Variants in CHD6 observed in about 807,000 individuals in gnomAD.
CHD6 encodes the protein chromodomain helicase DNA binding protein 6, also known as ATP-dependent chromatin remodeler CHD6.
CHD6 carries 50 observed loss-of-function variants against 276.9 expected under a neutral mutation model. That is an observed-to-expected ratio of 0.18 (90% CI 0.14 to 0.23). The LOEUF is 0.23. CHD6 is among the 10% of genes least tolerant of loss of function. The pLI is 1.00. For missense variants in CHD6, 2,564 were observed against 3,365.8 expected (o/e 0.76, Z 5.89); for synonymous variants, 1,173 against 1,229.3 (o/e 0.95, Z 0.96).
At chr20:41,548,884 A>G (rs1183702280) in intron 2 of CHD6, among the ~76,000 whole-genome samples, 1 of 152,052 alleles carries the variant, frequency 6.6e-6, no homozygotes, top group Non-Finnish European at 1.5e-5. Flanking sequence ...CAAAAAACAC[A>G]TGAAAAAATG....
At chr20:41,588,400 T>C (rs910966893) in intron 1 of CHD6, among the ~76,000 whole-genome samples, 2 of 151,874 alleles carry the variant, frequency 1.3e-5, no homozygotes, top group African/African-American at 4.8e-5. Context: ...CAATTCAGGG[T>C]TTTTCTTCTC....
chr20:41,435,877 C>T (rs2047692672), intron 27 of CHD6, among the ~76,000 whole-genome samples: 1 of 152,124 alleles, frequency 6.6e-6, no homozygotes, highest in Admixed American at 6.6e-5. Flanking sequence ...TGCTACGGCA[C>T]TCAGGATTAT....
At chr20:41,481,659 A>G (rs919328161) in intron 16 of CHD6, among the ~76,000 whole-genome samples, 1 of 152,106 alleles carries the variant, frequency 6.6e-6, no homozygotes, top group Non-Finnish European at 1.5e-5. Flanking sequence ...GAGTGTATCA[A>G]ATGTTTTTAA....
rs145226293 is a variant in CHD6 at position 41,528,778 on chromosome 20, A to C, written c.554+4272T>G. Among the ~76,000 whole-genome samples, 1,160 of 152,356 alleles carry C rather than the reference A, an allele frequency of 7.6e-3. 18 individuals are homozygous for C. Among genetic ancestry groups the C allele is most frequent in the African/African-American group, 0.026 (1,097 of 41,576 alleles). On this transcript the variant is annotated intron_variant, in intron 3 of 36. Coordinates refer to ENST00000373233, the MANE Select transcript of CHD6 (RefSeq NM_032221.5). ...CAATAAATGAATACTGATCACTATTAATATCATCCTTGAAAAGGAAAATTT... is the reference window on the plus strand; with the variant it reads ...CAATAAATGAATACTGATCACTATTCATATCATCCTTGAAAAGGAAAATTT...
chr20:41,402,458 A>G lies in CHD6; in HGVS notation c.*2135T>C, dbSNP rs899605277. The G allele has an allele frequency of 3.9e-5, 9 of 230,952 alleles. No individual in the cohort carries two copies. Among genetic ancestry groups the G allele is most frequent in the African/African-American group, 2.0e-4 (9 of 45,220 alleles). 14.3% of individuals were successfully genotyped at this position (230,952 alleles called of 1,614,324 possible). A position where few individuals can be genotyped will look rare whatever the true frequency, so the allele number is the denominator to read the frequency against. On this transcript the variant is annotated 3_prime_UTR_variant, in exon 37 of 37. Transcript: ENST00000373233. The stretch of plus-strand genomic sequence containing the variant: ...AGTCAGATCCACATTGAACCCTGTG[A>G]CCTACCGGAGGTTATAAGTGGAACC...
chr20:41,581,549 C>T (rs1027225587), intron 1 of CHD6, among the ~76,000 whole-genome samples: 10 of 151,924 alleles, frequency 6.6e-5, no homozygotes, highest in Admixed American at 6.6e-4. Context: ...GTGGTGCGTG[C>T]CTATAGTCCC....
At chr20:41,514,643 C>T (rs1475763255) in intron 4 of CHD6, among the ~76,000 whole-genome samples, 162 bp downstream of exon 4, 1 of 152,158 alleles carries the variant, frequency 6.6e-6, no homozygotes, top group African/African-American at 2.4e-5. Context: ...CGGGCTAGGG[C>T]AAAAGACTAC....
intron 1 of CHD6, among the ~76,000 whole-genome samples, chr20:41,605,558 T>A (rs1489987912): frequency 2.0e-5 from 3 of 152,348 alleles, no homozygotes; most frequent in Admixed American, 2.0e-4. Flanking sequence ...TTCCATATGT[T>A]GTTGGATACT....
chr20:41,437,171 C>A, intron 27 of CHD6, 103 bp downstream of exon 27: 1 of 814,360 alleles, frequency 1.2e-6, no homozygotes, highest in Non-Finnish European at 2.1e-6. Context: ...TGCAATGTAA[C>A]TGTAGTAATG....
intron 19 of CHD6, among the ~76,000 whole-genome samples, chr20:41,454,991 AG>A (rs373649635): frequency 1.3e-5 from 2 of 152,328 alleles, no homozygotes; most frequent in African/African-American, 4.8e-5. Flanking sequence ...GGAAGCAGGA[AG>A]GCAAACCCCG....
intron 1 of CHD6, among the ~76,000 whole-genome samples, chr20:41,562,625 G>A (rs2045313546): frequency 6.6e-6 from 1 of 152,044 alleles, no homozygotes; most frequent in South Asian, 2.1e-4. Context: ...AAGAAAGTCT[G>A]TATAGGTAAA....
intron 2 of CHD6, among the ~76,000 whole-genome samples, chr20:41,550,804 CT>C (rs1198805745): frequency 2.6e-5 from 4 of 152,194 alleles, no homozygotes; most frequent in Admixed American, 2.0e-4. Context: ...ATAAATCACT[CT>C]CCATCCCACA....
intron 2 of CHD6, among the ~76,000 whole-genome samples, chr20:41,546,882 A>G (rs2045053417): frequency 6.6e-6 from 1 of 152,244 alleles, no homozygotes; most frequent in African/African-American, 2.4e-5. Flanking sequence ...TAGGCAAAAC[A>G]AAGTCAATCT....
intron 3 of CHD6, among the ~76,000 whole-genome samples, chr20:41,525,787 C>A (rs1490132457): frequency 6.6e-6 from 1 of 152,136 alleles, no homozygotes; most frequent in East Asian, 1.9e-4. Flanking sequence ...CTCCCCAGAC[C>A]AGAAATGACA....
Position 41,405,430 on chromosome 20 carries a change from C to A in CHD6, c.7311G>T (p.Thr2437=), listed in dbSNP as rs752717222. The part of the protein sequence containing the change: ...HTLAEPILRD[T]GPRRRGRRPR... ...GCCGCCTCCCCCTCCTGCGGGGGCC[C>A]GTATCTCGAAGAATAGGCTCAGCCA... Residue 2437 remains threonine, a synonymous_variant, in exon 37 of 37, where the codon ACG becomes ACT. Coordinates refer to ENST00000373233, the MANE Select transcript of CHD6 (RefSeq NM_032221.5). 4.4e-6 allele frequency: 7 copies of A among 1,606,678 alleles called. No individual in the cohort carries two copies. Among genetic ancestry groups the A allele is most frequent in the Non-Finnish European group, 6.0e-6 (7 of 1,175,582 alleles).
chr20:41,408,562 G>C (rs2046749803), intron 36 of CHD6, among the ~76,000 whole-genome samples: 1 of 152,194 alleles, frequency 6.6e-6, no homozygotes, highest in Non-Finnish European at 1.5e-5. Flanking sequence ...ACACAGCACA[G>C]TCTCAGTCCC....
At chr20:41,518,469 A>G (rs1163712117) in intron 3 of CHD6, among the ~76,000 whole-genome samples, 1 of 152,210 alleles carries the variant, frequency 6.6e-6, no homozygotes, top group Non-Finnish European at 1.5e-5. Context: ...GGGGGGAATC[A>G]TGGTGAAGCA....
At chr20:41,418,073 G>A (rs2047060240) in intron 31 of CHD6, among the ~76,000 whole-genome samples, 1 of 152,178 alleles carries the variant, frequency 6.6e-6, no homozygotes, top group Non-Finnish European at 1.5e-5. Flanking sequence ...TTTGAAATGT[G>A]GCTATTTCAC....
intron 1 of CHD6, 106 bp downstream of exon 1, chr20:41,618,234 C>T (rs1478263981): frequency 6.6e-6 from 1 of 151,798 alleles, no homozygotes; most frequent in Non-Finnish European, 1.5e-5. Flanking sequence ...CGGCTCCATT[C>T]ATAGGGGCAC....
Sources: allele counts gnomAD v4.1 joint callset (sites outside exome capture counted in the v4.1 genomes callset), GRCh38; gene constraint gnomAD v4.1.1; transcripts MANE v1.5; gene names NCBI Gene and HGNC (gene_info 2026-07-23, HGNC 2026-07-21).